The following THOC1 variants were observed in gnomAD, a reference collection of about 807,000 sequenced individuals.
THOC1 encodes the protein THO complex subunit 1, also known as THO complex 1.
Under a neutral mutation model 97.3 loss-of-function variants are expected in THOC1, and 29 were observed. The ratio of observed to expected loss-of-function variants is 0.30; its 90% confidence interval spans 0.22 to 0.41. THOC1 has a LOEUF of 0.41. THOC1 is among the 10% of genes least tolerant of loss of function. The pLI, the probability that THOC1 is intolerant of heterozygous loss-of-function variation, is 1.00. For missense variants in THOC1, 529 were observed against 761.9 expected (o/e 0.69, Z 3.60); for synonymous variants, 255 against 257.0 (o/e 0.99, Z 0.07).
chr18:221,251 A>C (rs904937703), intron 17 of THOC1, among the ~76,000 whole-genome samples: 21 of 152,038 alleles, frequency 1.4e-4, no homozygotes, highest in Non-Finnish European at 2.5e-4. Flanking sequence ...TTTTCCACCA[A>C]ATTTATTAAA....
intron 7 of THOC1, among the ~76,000 whole-genome samples, chr18:256,384 C>G (rs1252252048): frequency 6.6e-6 from 1 of 152,148 alleles, no homozygotes; most frequent in Non-Finnish European, 1.5e-5. Flanking sequence ...TTCAAGACTT[C>G]AGTGGAGGAA....
chr18:216,543 A>G lies in THOC1; in HGVS notation c.1545T>C (p.Phe515=). 2.5e-6 allele frequency: 4 copies of G among 1,613,976 alleles called. No individual in the cohort carries two copies. The highest frequency in any genetic ancestry group is 3.4e-6 in the Non-Finnish European group (4 of 1,179,884). Residue 515 remains phenylalanine (F), a synonymous_variant, in exon 19 of 21, where the codon TTT becomes TTC. Transcript: ENST00000261600. The part of the protein sequence containing the change: ...PHFFQPTNQQ[F]KSLPEYLENM... The stretch of plus-strand genomic sequence containing the variant: ...TTTCAAGATATTCTGGTAAACTTTT[A>G]AACTGCTGGTTGGTTGGCTGGAAGA...
At chr18:250,589 A>C (rs9956931) in intron 9 of THOC1, among the ~76,000 whole-genome samples, 30,507 of 152,136 alleles carry the variant, frequency 0.2, 3,598 homozygotes, top group East Asian at 0.33. Flanking sequence ...AAAAATGTTT[A>C]CTGGTGTATT....
chr18:223,395 A>G lies in THOC1; in HGVS notation c.1370+45T>C, dbSNP rs369274638. 62 of 1,463,282 alleles carry G rather than the reference A, an allele frequency of 4.2e-5. 1 individual carries two copies. Among genetic ancestry groups the G allele is most frequent in the Middle Eastern group, 3.5e-4 (2 of 5,788 alleles). The allele number at this position is 1,463,282 out of a possible 1,614,324, so 90.6% of individuals were successfully genotyped here. ...CTGAGAAAAGGCTCCATTCTACTCA[A>G]CACTTGACAAAAGCAACACTTCATT... On this transcript the variant is annotated intron_variant, in intron 17 of 20. Coordinates refer to ENST00000261600, the MANE Select transcript of THOC1 (RefSeq NM_005131.3).
At chr18:248,006 A>G in intron 9 of THOC1, 49 bp from the exon 10 acceptor site, 4 of 1,179,908 alleles carry the variant, frequency 3.4e-6, no homozygotes, top group Non-Finnish European at 4.8e-6. Flanking sequence ...TTCTTTTACA[A>G]ATATCTAAAT....
intron 11 of THOC1, among the ~76,000 whole-genome samples, chr18:240,327 T>C (rs534988384): frequency 3.2e-4 from 49 of 152,334 alleles, no homozygotes; most frequent in African/African-American, 1.2e-3. Flanking sequence ...TCAATCACTT[T>C]ACTTTCTTAT....
chr18:249,501 A>G (rs1163940187), intron 9 of THOC1, among the ~76,000 whole-genome samples: 2 of 152,042 alleles, frequency 1.3e-5, no homozygotes, highest in African/African-American at 4.8e-5. Flanking sequence ...ATCTCTACTA[A>G]AAGTACAAAA....
At chr18:255,557 C>T (rs779497769) in intron 7 of THOC1, among the ~76,000 whole-genome samples, 60 of 152,206 alleles carry the variant, frequency 3.9e-4, no homozygotes, top group Middle Eastern at 6.8e-3. Context: ...AGTTGGTTTA[C>T]GAGGTTTAAA....
intron 1 of THOC1, 48 bp downstream of exon 1, chr18:267,918 C>A (rs1031606730): frequency 3.8e-6 from 6 of 1,559,496 alleles, no homozygotes; most frequent in Non-Finnish European, 5.2e-6. Context: ...GAGAAGAGGA[C>A]AAAGCATAGC....
chr18:265,190 G>A (rs1294449787), intron 3 of THOC1, 113 bp downstream of exon 3: 6 of 807,170 alleles, frequency 7.4e-6, no homozygotes, highest in African/African-American at 1.8e-5. Context: ...AAAGCAGAAA[G>A]GTTACTCTAA....
At chr18:215,182 G>T (rs1197688037) in intron 20 of THOC1, among the ~76,000 whole-genome samples, 1 of 152,162 alleles carries the variant, frequency 6.6e-6, no homozygotes. Flanking sequence ...ATTAACAGAG[G>T]TATGGGTCGC....
At chr18:221,709 C>T (rs372305047) in intron 17 of THOC1, among the ~76,000 whole-genome samples, 15 of 150,016 alleles carry the variant, frequency 1.0e-4, no homozygotes, top group South Asian at 2.1e-4. Context: ...CCCAGGTTCA[C>T]GCCATTCTCC....
At chr18:256,794 CCAAACAGCAT>C (rs1306424446) in intron 7 of THOC1, among the ~76,000 whole-genome samples, 1 of 152,092 alleles carries the variant, frequency 6.6e-6, no homozygotes, top group Non-Finnish European at 1.5e-5. Flanking sequence ...TAAGATGCTA[CCAAACAGCAT>C]CATGTGCTAC....
intron 1 of THOC1, among the ~76,000 whole-genome samples, chr18:266,538 G>GT (rs1427386915): frequency 2.3e-4 from 24 of 106,620 alleles, no homozygotes; most frequent in African/African-American, 8.4e-4. Flanking sequence ...GGGCTAGTAT[G>GT]ATTTTTTTTT....
At chr18:231,336 A>G (rs1453392639) in intron 11 of THOC1, among the ~76,000 whole-genome samples, 1 of 152,180 alleles carries the variant, frequency 6.6e-6, no homozygotes, top group East Asian at 1.9e-4. Flanking sequence ...TTTTCATTTT[A>G]GTCATCCTTA....
In THOC1 at chr18:268,022, T is replaced by C. The variant is rs1192551771; in HGVS notation, c.-3A>G. 1.6e-5 allele frequency: 25 copies of C among 1,590,858 alleles called. No homozygotes were observed. The East Asian group carries it at 5.5e-4, about 35-fold the overall frequency. The stretch of plus-strand genomic sequence containing the variant: ...AAGAGCGGCGGCGTCGGAGACATCT[T>C]CTCGGCTGCGCGTGCCCGCCACTGC... On this transcript the variant is annotated 5_prime_UTR_variant, in exon 1 of 21. Transcript: ENST00000261600.
intron 11 of THOC1, among the ~76,000 whole-genome samples, chr18:229,400 G>A (rs1301911679): frequency 3.3e-5 from 5 of 152,096 alleles, no homozygotes; most frequent in Non-Finnish European, 5.9e-5. Context: ...TGTTTTTGTC[G>A]GCTGGGTGTG....
intron 3 of THOC1, 56 bp downstream of exon 3, chr18:265,247 A>C: frequency 7.1e-7 from 1 of 1,416,288 alleles, no homozygotes; most frequent in Non-Finnish European, 9.5e-7. Context: ...CAATTTTTAA[A>C]TAACATGGTT....
intron 11 of THOC1, among the ~76,000 whole-genome samples, chr18:229,945 T>C (rs1396596222): frequency 6.6e-6 from 1 of 152,214 alleles, no homozygotes; most frequent in African/African-American, 2.4e-5. Flanking sequence ...GCTCATTTCA[T>C]ACACTCTACA....
Sources: gnomAD v4.1 joint callset for allele counts (sites outside exome capture counted in the v4.1 genomes callset) on GRCh38, gnomAD v4.1.1 for gene constraint, MANE v1.5 for transcripts, NCBI Gene and HGNC (gene_info 2026-07-23, HGNC 2026-07-21) for gene names.